The following RWDD4 variants were observed in gnomAD, a reference collection of about 807,000 sequenced individuals.
RWDD4 encodes the protein RWD domain-containing protein 4.
RWDD4 carries 16 observed loss-of-function variants against 30.0 expected under a neutral mutation model. That is an observed-to-expected ratio of 0.53 (90% CI 0.36 to 0.81). RWDD4 has a LOEUF of 0.81. RWDD4 is among the 30% of genes least tolerant of loss of function. RWDD4 has a pLI of 0.00. For synonymous variants in RWDD4, 45 were observed against 72.1 expected (o/e 0.62, Z 1.90); for missense variants, 170 against 223.9 (o/e 0.76, Z 1.54).
intron 1 of RWDD4, chr4:183,656,193 G>T: frequency 2.8e-6 from 1 of 354,052 alleles, no homozygotes; most frequent in Non-Finnish European, 5.1e-6. Context: ...ATGTATGATC[G>T]CGCTGACTTC....
At chr4:183,653,754 T>C (rs564703073) in intron 2 of RWDD4, 6 of 152,352 alleles carry the variant, frequency 3.9e-5, no homozygotes, top group Non-Finnish European at 7.3e-5. Context: ...AAAAGTTACC[T>C]GCTTGATGCA....
chr4:183,649,678 G>T (rs1579127410), intron 4 of RWDD4, 110 bp from the exon 5 acceptor site: 2 of 550,404 alleles, frequency 3.6e-6, no homozygotes, highest in African/African-American at 1.9e-5. Context: ...TGAAATAAAA[G>T]AATCCTATAT....
intron 6 of RWDD4, 52 bp from the exon 7 acceptor site, chr4:183,646,405 G>A (rs748996812): frequency 1.6e-5 from 25 of 1,567,606 alleles, no homozygotes; most frequent in East Asian, 1.3e-4. Flanking sequence ...AGGTTGTGAA[G>A]GGGAAAACAA....
At chr4:183,655,523 A>T (rs1195831709) in intron 2 of RWDD4, among the ~76,000 whole-genome samples, 3 of 152,080 alleles carry the variant, frequency 2.0e-5, no homozygotes, top group South Asian at 2.1e-4. Context: ...TGACCTCGTG[A>T]TCCGCCCACC....
intron 7 of RWDD4, among the ~76,000 whole-genome samples, chr4:183,646,105 T>C (rs928788300): frequency 2.0e-5 from 3 of 152,184 alleles, no homozygotes; most frequent in Non-Finnish European, 4.4e-5. Flanking sequence ...GGTTTCACCA[T>C]GTTGGCCAAG....
intron 2 of RWDD4, 62 bp from the exon 3 acceptor site, chr4:183,651,389 T>C: frequency 1.7e-6 from 2 of 1,205,126 alleles, no homozygotes; most frequent in Non-Finnish European, 2.4e-6. Flanking sequence ...AACTAAATTA[T>C]AATCTTCAAA....
rs771368514 is a variant in RWDD4 at position 183,649,564 on chromosome 4, G to A, written c.368C>T (p.Ser123Leu). Residue 123 changes from serine to leucine, a missense_variant, in exon 5 of 8, where the codon TCG (serine) becomes TTG (leucine). Coordinates refer to ENST00000326397, the MANE Select transcript of RWDD4 (RefSeq NM_152682.4). ...TTCAATTGAGATGATATTGCTTATC[G>A]ATGTCTAAAAAAAAAAAGAAATAAT... ...ENHNPINSAT[S>L]ISNIISIETP... 8.7e-6 allele frequency: 13 copies of A among 1,493,900 alleles called. No homozygotes were observed. Among genetic ancestry groups the A allele is most frequent in the East Asian group, 2.3e-5 (1 of 43,962 alleles). The allele number at this position is 1,493,900 out of a possible 1,614,324, so 92.5% of individuals were successfully genotyped here.
chr4:183,651,054 T>C lies in RWDD4; in HGVS notation c.293A>G (p.Tyr98Cys), dbSNP rs1343890223. 3.7e-6 allele frequency: 6 copies of C among 1,613,754 alleles called. No homozygotes were observed. The highest frequency in any genetic ancestry group is 5.1e-6 in the Non-Finnish European group (6 of 1,179,964). The change falls in exon 4 of 8, where the codon TAT becomes TGT. Residue 98 changes from tyrosine to cysteine, a missense_variant. Tyr to Cys is a radical substitution (Grantham distance 194). Transcript: ENST00000326397. ...VEANLGTAMT[Y>C]TLFEYAKDNK... ...GTCTTTGGCATATTCAAACAATGTATAGGTCATAGCGGTTCCAAGATTAGC... is the reference window on the plus strand; with the variant it reads ...GTCTTTGGCATATTCAAACAATGTACAGGTCATAGCGGTTCCAAGATTAGC...
intron 7 of RWDD4, among the ~76,000 whole-genome samples, chr4:183,643,108 T>A (rs925688690): frequency 6.3e-5 from 6 of 95,262 alleles, no homozygotes; most frequent in African/African-American, 1.4e-4. Flanking sequence ...ATAAATAAAA[T>A]AAAAATTAAA....
At chr4:183,643,962 A>T (rs1158242689) in intron 7 of RWDD4, among the ~76,000 whole-genome samples, 1 of 152,180 alleles carries the variant, frequency 6.6e-6, no homozygotes, top group Admixed American at 6.6e-5. Flanking sequence ...AACTTCTTTC[A>T]TCTCCCAAGA....
intron 5 of RWDD4, among the ~76,000 whole-genome samples, chr4:183,646,926 T>C (rs1294114475): frequency 6.6e-6 from 1 of 152,194 alleles, no homozygotes; most frequent in East Asian, 1.9e-4. Context: ...TTTAATAAAT[T>C]AGCATTTCGC....
At chr4:183,658,480 G>T (rs1734265636) in intron 1 of RWDD4, among the ~76,000 whole-genome samples, 1 of 152,184 alleles carries the variant, frequency 6.6e-6, no homozygotes, top group Non-Finnish European at 1.5e-5. Flanking sequence ...AATATGGACA[G>T]AAACTCAGAT....
chr4:183,658,462 C>T (rs1734264819), intron 1 of RWDD4, among the ~76,000 whole-genome samples: 1 of 152,160 alleles, frequency 6.6e-6, no homozygotes, highest in African/African-American at 2.4e-5. Flanking sequence ...TAAAAGATTT[C>T]CCCAAACAAT....
At chr4:183,652,766 T>G (rs940265607) in intron 2 of RWDD4, among the ~76,000 whole-genome samples, 2 of 147,160 alleles carry the variant, frequency 1.4e-5, no homozygotes, top group African/African-American at 5.2e-5. Flanking sequence ...GCCGAGATAG[T>G]GCCACTGCAC....
chr4:183,657,727 C>A (rs1230636734), intron 1 of RWDD4, among the ~76,000 whole-genome samples: 1 of 152,134 alleles, frequency 6.6e-6, no homozygotes, highest in Non-Finnish European at 1.5e-5. Flanking sequence ...AAGAGATTAA[C>A]AAAGAATGGA....
At chr4:183,651,496 T>C (rs930988472) in intron 2 of RWDD4, among the ~76,000 whole-genome samples, 169 bp from the exon 3 acceptor site, 1 of 152,032 alleles carries the variant, frequency 6.6e-6, no homozygotes, top group African/African-American at 2.4e-5. Flanking sequence ...GTGAAGGGAG[T>C]CTCAGGACAG....
At position 183,655,491 on chromosome 4, in the gene RWDD4, G is replaced by A. The variant is rs186078759; in HGVS notation, c.105+390C>T. ...AGAGACAGTGGGGTTTCACCATGTT[G>A]GCCAGGATGGTCTCGATCTCCTGAC... On this transcript the variant is annotated intron_variant, in intron 2 of 7. Transcript: ENST00000326397. Among the ~76,000 whole-genome samples the A allele has an allele frequency of 3.2e-3, 493 of 151,938 alleles. 4 individuals carry two copies. The highest frequency in any genetic ancestry group is 0.01 in the Middle Eastern group (3 of 294).
chr4:183,656,181 C>G, intron 1 of RWDD4: 1 of 399,088 alleles, frequency 2.5e-6, no homozygotes, highest in South Asian at 5.7e-5. Flanking sequence ...AAGCACTGTA[C>G]AATGTATGAT....
chr4:183,648,978 T>C (rs1734020179), intron 5 of RWDD4, among the ~76,000 whole-genome samples: 2 of 152,146 alleles, frequency 1.3e-5, no homozygotes, highest in Non-Finnish European at 2.9e-5. Flanking sequence ...TCTCGAAATA[T>C]TTTCAGTATA....
Sources: allele counts gnomAD v4.1 joint callset (sites outside exome capture counted in the v4.1 genomes callset), GRCh38; gene constraint gnomAD v4.1.1; transcripts MANE v1.5; gene names NCBI Gene and HGNC (gene_info 2026-07-23, HGNC 2026-07-21).